Variants in FHOD3 observed in about 807,000 individuals in gnomAD.
FHOD3 encodes FH1/FH2 domain-containing protein 3.
FHOD3 carries 90 observed loss-of-function variants against 173.0 expected under a neutral mutation model. That is an observed-to-expected ratio of 0.52 (90% CI 0.44 to 0.62). The LOEUF is 0.62. Ranked by LOEUF, FHOD3 falls within the 20% of genes least tolerant of loss-of-function variation. FHOD3 has a pLI of 0.00. For synonymous variants in FHOD3, 828 were observed against 823.0 expected (o/e 1.01, Z -0.10); for missense variants, 1,945 against 2,034.7 (o/e 0.96, Z 0.85).
intron 2 of FHOD3, among the ~76,000 whole-genome samples, chr18:36,371,745 C>T (rs1280635750): frequency 6.6e-6 from 1 of 152,142 alleles, no homozygotes. Flanking sequence ...CTCTCCAACA[C>T]AACCACACAC....
At chr18:36,556,393 C>T (rs2057886287) in intron 5 of FHOD3, among the ~76,000 whole-genome samples, 1 of 152,078 alleles carries the variant, frequency 6.6e-6, no homozygotes, top group Non-Finnish European at 1.5e-5. Flanking sequence ...GAGAGAGGGT[C>T]AACATTTTGT....
chr18:36,341,007 C>T (rs75388876), intron 1 of FHOD3, among the ~76,000 whole-genome samples: 3,204 of 152,240 alleles, frequency 0.021, 111 homozygotes, highest in African/African-American at 0.074. Context: ...TTCCTTTCTT[C>T]CTCTTCCTTG....
At chr18:36,518,389 C>A (rs1230791919) in intron 5 of FHOD3, among the ~76,000 whole-genome samples, 1 of 152,186 alleles carries the variant, frequency 6.6e-6, no homozygotes, top group African/African-American at 2.4e-5. Context: ...ATCATGGTAG[C>A]TGTACAGCTA....
At chr18:36,655,499 G>A (rs1219049359) in intron 13 of FHOD3, among the ~76,000 whole-genome samples, 1 of 152,114 alleles carries the variant, frequency 6.6e-6, no homozygotes, top group Non-Finnish European at 1.5e-5. Flanking sequence ...GAAAAAAAAA[G>A]CTGCTTGCTT....
rs1258256233 is a variant in FHOD3, at chr18:36,594,836, A to G, written c.656A>G (p.Glu219Gly). The change falls in exon 7 of 29, where the codon GAG becomes GGG. Residue 219 changes from glutamate (E) to glycine (G), a missense_variant. This residue lies in a region of FHOD3 where 16 missense variants were observed against 34.0 expected (regional missense o/e 0.47). Transcript: ENST00000590592. ...TALKLLLVFV[E>G]YSESNAPLLI... ...CTGAAGCTGCTGCTCGTCTTTGTAG[A>G]GTACTCGGAGTCCAACGCACCTCTC... The G allele has an allele frequency of 1.9e-6, 3 of 1,613,984 alleles. No homozygotes were observed. The highest frequency in any genetic ancestry group is 2.2e-5 in the South Asian group (2 of 91,038).
At chr18:36,642,897 T>TTC (rs1327127142) in intron 10 of FHOD3, among the ~76,000 whole-genome samples, 1 of 152,018 alleles carries the variant, frequency 6.6e-6, no homozygotes, top group African/African-American at 2.4e-5. Flanking sequence ...TTTCAGTATT[T>TTC]TTTTTTTACT....
At chr18:36,719,099 C>A (rs1183775387) in intron 19 of FHOD3, among the ~76,000 whole-genome samples, 2 of 152,248 alleles carry the variant, frequency 1.3e-5, no homozygotes, top group East Asian at 3.8e-4. Flanking sequence ...ATCTTACCTT[C>A]ATTGACTATG....
chr18:36,445,668 G>C (rs2051424789), intron 3 of FHOD3, among the ~76,000 whole-genome samples: 1 of 152,148 alleles, frequency 6.6e-6, no homozygotes, highest in South Asian at 2.1e-4. Flanking sequence ...ATAAAAATGA[G>C]CTTTGCTTTA....
intron 5 of FHOD3, among the ~76,000 whole-genome samples, chr18:36,513,244 C>T (rs1015180090): frequency 2.0e-5 from 3 of 151,052 alleles, no homozygotes; most frequent in African/African-American, 4.9e-5. Context: ...TAGGTTGAAC[C>T]GTATGAAATT....
chr18:36,325,225 C>G (rs2145065914), intron 1 of FHOD3, among the ~76,000 whole-genome samples: 1 of 152,154 alleles, frequency 6.6e-6, no homozygotes, highest in Non-Finnish European at 1.5e-5. Context: ...GTAGTGCAAG[C>G]AGAATATTTC....
chr18:36,470,813 A>G (rs2053240772), intron 3 of FHOD3, among the ~76,000 whole-genome samples: 1 of 152,350 alleles, frequency 6.6e-6, no homozygotes, highest in Admixed American at 6.5e-5. Context: ...GGTTGAGGCA[A>G]TGGAATTGGA....
At chr18:36,689,632 A>G (rs2038835889) in intron 16 of FHOD3, among the ~76,000 whole-genome samples, 1 of 152,194 alleles carries the variant, frequency 6.6e-6, no homozygotes, top group Non-Finnish European at 1.5e-5. Flanking sequence ...ATTCACAAAT[A>G]ATTTAAAGGA....
chr18:36,512,777 T>C (rs1465722802), intron 5 of FHOD3, among the ~76,000 whole-genome samples: 2 of 152,206 alleles, frequency 1.3e-5, no homozygotes, highest in African/African-American at 4.8e-5. Context: ...TTTTACACGC[T>C]TACTAGGAAA....
rs73947166 is a variant in FHOD3 at position 36,468,266 on chromosome 18, C to G, written c.338-33666C>G. ...CGAAGCCATAGGGATAAGTGGCTAC[C>G]TCTCCCCTCGCCTGGGTAATGCTGC... On this transcript the variant is annotated intron_variant, in intron 3 of 28. Transcript: ENST00000590592. Among the ~76,000 whole-genome samples the G allele has an allele frequency of 2.8e-4, 42 of 152,298 alleles. 1 individual carries two copies. Among genetic ancestry groups the G allele is most frequent in the African/African-American group, 1.0e-3 (42 of 41,558 alleles).
intron 1 of FHOD3, among the ~76,000 whole-genome samples, chr18:36,321,811 A>G (rs2044408967): frequency 6.6e-6 from 1 of 152,194 alleles, no homozygotes; most frequent in Non-Finnish European, 1.5e-5. Context: ...CTTCCCATCT[A>G]CAGAGGAGAG....
intron 9 of FHOD3, among the ~76,000 whole-genome samples, chr18:36,615,611 C>T (rs1893435): frequency 0.13 from 19,426 of 152,104 alleles, 1,327 homozygotes; most frequent in Non-Finnish European, 0.15. Context: ...TGTTTTAGTA[C>T]AATATTCTAT....
At chr18:36,326,262 T>C (rs541933958) in intron 1 of FHOD3, among the ~76,000 whole-genome samples, 63 of 152,354 alleles carry the variant, frequency 4.1e-4, no homozygotes, top group African/African-American at 1.4e-3. Flanking sequence ...GGTTGACTTC[T>C]AATTTTCCTT....
intron 9 of FHOD3, among the ~76,000 whole-genome samples, chr18:36,621,975 T>C (rs963928721): frequency 3.5e-4 from 53 of 152,160 alleles, no homozygotes; most frequent in African/African-American, 1.2e-3. Context: ...AAAGAACATA[T>C]GGTATATACA....
At chr18:36,649,295 C>T in intron 10 of FHOD3, 21 bp from the exon 11 acceptor site, 1 of 1,529,348 alleles carries the variant, frequency 6.5e-7, no homozygotes, top group Non-Finnish European at 8.8e-7. Flanking sequence ...GTGCATTTCT[C>T]TTTTCCTGGC....
Sources: gnomAD v4.1 joint callset for allele counts (sites outside exome capture counted in the v4.1 genomes callset) on GRCh38, gnomAD v4.1.1 for gene constraint, gnomAD v4.1.1 regional missense constraint, MANE v1.5 for transcripts, NCBI Gene and HGNC (gene_info 2026-07-23, HGNC 2026-07-21) for gene names.